PMS2: variants seen among roughly 807,000 people sequenced by gnomAD.
PMS2 encodes the protein mismatch repair endonuclease PMS2.
PMS2 carries 69 observed loss-of-function variants against 90.0 expected under a neutral mutation model. The observed-to-expected ratio is 0.77, with a 90% CI of 0.63 to 0.94. PMS2 has a LOEUF of 0.94. Among genes scored for constraint, PMS2 ranks in the 40% least tolerant of loss-of-function variants. The pLI, the probability that PMS2 is intolerant of heterozygous loss-of-function variation, is 0.00. For synonymous variants in PMS2, 332 were observed against 375.1 expected, an observed-to-expected ratio of 0.89 and a Z score of 1.33; for missense variants, 966 against 1,040.2, an observed-to-expected ratio of 0.93 and a Z score of 0.98.
chr7:5,995,499 T>C (rs1443851340), intron 8 of PMS2, 35 bp downstream of exon 8: 3 of 1,377,270 alleles, frequency 2.2e-6, no homozygotes, highest in Middle Eastern at 1.8e-4. Flanking sequence ...GTCAAAGGCA[T>C]AAAGAACAAA....
In PMS2 at chr7:5,987,354, G is replaced by A. The variant is rs63751228; in HGVS notation, c.1411C>T (p.Gln471Ter). 1 of 1,614,042 alleles carries A rather than the reference G, an allele frequency of 6.2e-7. No individual in the cohort carries two copies. The highest frequency in any genetic ancestry group is 2.2e-5 in the East Asian group (1 of 44,898). ...TGACTGGAACTCACTGCCTCTTTCT[G>A]AGGTCTCAGGACGCCTTTGTCAGAG... ...AISDKGVLRP[Q>*]KEAVSSSHGP... The change falls in exon 11 of 15, where the codon CAG (glutamine) becomes TAG (stop). Residue 471 changes from glutamine (Q) to a stop codon, truncating the protein, a stop_gained. Coordinates refer to ENST00000265849, the MANE Select transcript of PMS2 (RefSeq NM_000535.7). LOFTEE classifies it high-confidence loss of function.
chr7:5,979,201 C>CAA lies in PMS2; in HGVS notation c.2175-507_2175-506dup, dbSNP rs60152367. On this transcript the variant is annotated intron_variant, in intron 12 of 14. Transcript: ENST00000265849. ...TGGGCGACACAACAAGACTCTGTCT[C>CAA]AAAAAAAAAAAAAAAAAAAAAACAC... Among the ~76,000 whole-genome samples, 273 of 48,962 alleles carry CAA rather than the reference C, an allele frequency of 5.6e-3. 1 individual carries two copies. The highest frequency in any genetic ancestry group is 9.9e-3 in the East Asian group (14 of 1,418). 32.1% of individuals were successfully genotyped at this position (48,962 alleles called of 152,430 possible).
In PMS2 at chr7:5,987,008, G is replaced by C. The variant is rs1335723102; in HGVS notation, c.1757C>G (p.Ser586Cys). The part of the protein sequence containing the change: ...TKRFKKEEIL[S>C]SSDICQKLVN... ...TAACTTTTGACAAATGTCAGAACTG[G>C]AAAGAATTTCTTCTTTTTTAAAACG... The change falls in exon 11 of 15, where the codon TCC (serine) becomes TGC (cysteine). Residue 586 changes from serine (S) to cysteine (C), a missense_variant. Physicochemically the swap from Ser to Cys is moderately radical, Grantham distance 112. This residue lies in a region of PMS2 where 871 missense variants were observed against 802.4 expected (regional missense o/e 1.09). Transcript: ENST00000265849. 1 of 1,614,190 alleles carries C rather than the reference G, an allele frequency of 6.2e-7. No homozygotes were observed. The highest frequency in any genetic ancestry group is 8.5e-7 in the Non-Finnish European group (1 of 1,180,032).
intron 7 of PMS2, 139 bp from the exon 8 acceptor site, chr7:5,995,772 G>A (rs1417126808): frequency 2.8e-6 from 2 of 703,172 alleles, no homozygotes; most frequent in African/African-American, 1.8e-5. Context: ...GCAGTTCACG[G>A]GTATCTGTGC....
intron 7 of PMS2, among the ~76,000 whole-genome samples, chr7:5,996,588 AAAATAT>A (rs1784421245): frequency 1.1e-5 from 1 of 89,418 alleles, no homozygotes; most frequent in African/African-American, 6.9e-5. Context: ...AAAAAAAAAA[AAAATAT>A]ATATATATAT....
chr7:5,994,342 T>C (rs192381426), intron 8 of PMS2, among the ~76,000 whole-genome samples: 107 of 150,012 alleles, frequency 7.1e-4, no homozygotes, highest in African/African-American at 1.8e-3. Context: ...AATCGCACCA[T>C]TGCACTCCAG....
intron 5 of PMS2, among the ~76,000 whole-genome samples, chr7:6,000,374 A>C (rs1440641972): frequency 6.1e-5 from 5 of 82,626 alleles, no homozygotes; most frequent in African/African-American, 2.1e-4. Flanking sequence ...ACCCTGTCTC[A>C]ATTAAAAAAA....
rs369598975 is a variant in PMS2 at position 5,997,069 on chromosome 7, C to T, written c.803+257G>A. On this transcript the variant is annotated intron_variant, in intron 7 of 14. Coordinates refer to ENST00000265849, the MANE Select transcript of PMS2 (RefSeq NM_000535.7). Reference sequence around the variant, plus strand: ...GTCTCTACTAAAAATACAAAATTAGCCGGGTGTGGTGGCACGTGCCTGTAA... The same window carrying T: ...GTCTCTACTAAAAATACAAAATTAGTCGGGTGTGGTGGCACGTGCCTGTAA... Among the ~76,000 whole-genome samples, 3 of 152,012 alleles carry T rather than the reference C, an allele frequency of 2.0e-5. 1 individual carries two copies. The highest frequency in any genetic ancestry group is 4.8e-5 in the African/African-American group (2 of 41,484).
At position 5,995,607 on chromosome 7, in the gene PMS2, G is replaced by T. The variant is rs1805322; in HGVS notation, c.830C>A (p.Thr277Lys). ...TGTTGAACTCCTTCCAACTCCATGCGTGCATTGTGAAATGAAACCTGAGAT... is the reference window on the plus strand; with the variant it reads ...TGTTGAACTCCTTCCAACTCCATGCTTGCATTGTGAAATGAAACCTGAGAT... ...FYISGFISQC[T>K]HGVGRSSTDR... The change falls in exon 8 of 15, where the codon ACG becomes AAG. Residue 277 changes from threonine (T) to lysine (K), a missense_variant. Thr to Lys is a moderately conservative substitution (Grantham distance 78). Transcript: ENST00000265849. 2.4e-4 allele frequency: 385 copies of T among 1,613,328 alleles called. 1 individual carries two copies. In the African/African-American group the frequency reaches 4.5e-3, roughly 19 times the overall value.
At chr7:5,995,424 A>G (rs1784276130) in intron 8 of PMS2, 110 bp downstream of exon 8, 1 of 733,752 alleles carries the variant, frequency 1.4e-6, no homozygotes, top group Non-Finnish European at 2.5e-6. Context: ...TGTTAAAGCC[A>G]TGTTTCTCAA....
rs188749648 is a variant in PMS2, at chr7:5,983,718, C to T, written c.2007-727G>A. On this transcript the variant is annotated intron_variant, in intron 11 of 14. Coordinates refer to ENST00000265849, the MANE Select transcript of PMS2 (RefSeq NM_000535.7). Reference sequence around the variant, plus strand: ...CCAGGCTGGACTGCAGTGGCGTGACCGTGGCTCACTGCAACCTGCGCCTCC... The same window carrying T: ...CCAGGCTGGACTGCAGTGGCGTGACTGTGGCTCACTGCAACCTGCGCCTCC... Among the ~76,000 whole-genome samples the T allele has an allele frequency of 1.1e-3, 170 of 151,576 alleles. 1 individual carries two copies. Among genetic ancestry groups the T allele is most frequent in the Non-Finnish European group, 1.7e-3 (116 of 67,984 alleles).
chr7:5,973,208 T>C lies in PMS2; in HGVS notation c.*191A>G, dbSNP rs748686106. ...ACACACACACGAGCGCATGCAAACA[T>C]AGAGAAAAAAAATTTGCAAGCAATG... On this transcript the variant is annotated 3_prime_UTR_variant, in exon 15 of 15. Coordinates refer to ENST00000265849, the MANE Select transcript of PMS2 (RefSeq NM_000535.7). 2.0e-6 allele frequency: 1 copy of C among 511,884 alleles called. No homozygotes were observed. Among genetic ancestry groups the C allele is most frequent in the East Asian group, 4.0e-5 (1 of 24,864 alleles). 31.7% of individuals were successfully genotyped at this position (511,884 alleles called of 1,614,324 possible). A position where few individuals can be genotyped will look rare whatever the true frequency, so the allele number is the denominator to read the frequency against.
At chr7:5,995,698 T>C in intron 7 of PMS2, 65 bp from the exon 8 acceptor site, 1 of 1,074,762 alleles carries the variant, frequency 9.3e-7, no homozygotes, top group Non-Finnish European at 1.5e-6. Flanking sequence ...TACGATCACA[T>C]GGCACATTCT....
intron 2 of PMS2, chr7:6,004,333 CTG>C (rs35882752): frequency 0.24 from 76,133 of 316,584 alleles, 9,763 homozygotes; most frequent in African/African-American, 0.32. Flanking sequence ...CAAAAAAAAT[CTG>C]TAACTGGTGG....
At position 5,995,659 on chromosome 7, in the gene PMS2, C is replaced by T. The variant is rs769228383; in HGVS notation, c.804-26G>A. 1.2e-5 allele frequency: 18 copies of T among 1,470,636 alleles called. No individual in the cohort carries two copies. The Admixed American group carries it at 3.0e-4, about 25-fold the overall frequency. 91.1% of individuals were successfully genotyped at this position (1,470,636 alleles called of 1,614,324 possible). On this transcript the variant is annotated intron_variant, in intron 7 of 14. Transcript: ENST00000265849. ...CTATTCAACATTAATATGGTAAGGG[C>T]AGGATTCCAGAGTGAAAGGGATTAG... is the stretch of plus-strand genomic sequence containing the variant.
intron 13 of PMS2, among the ~76,000 whole-genome samples, chr7:5,978,292 C>T (rs1257194809): frequency 6.9e-6 from 1 of 144,138 alleles, no homozygotes; most frequent in East Asian, 2.1e-4. Context: ...TTTTTTGAGA[C>T]AGAGTTTCAC....
intron 9 of PMS2, 63 bp downstream of exon 9, chr7:5,991,910 G>A: frequency 3.6e-6 from 3 of 842,308 alleles, no homozygotes; most frequent in Non-Finnish European, 6.3e-6. Flanking sequence ...CAGAGCTGTA[G>A]AATTTCATTT....
At chr7:5,986,421 G>C (rs990220521) in intron 11 of PMS2, among the ~76,000 whole-genome samples, 2 of 151,874 alleles carry the variant, frequency 1.3e-5, no homozygotes, top group Non-Finnish European at 2.9e-5. Flanking sequence ...GCCGGGTGTG[G>C]TGGCTCACAC....
At chr7:5,998,884 G>A (rs1784752246) in intron 6 of PMS2, among the ~76,000 whole-genome samples, 1 of 151,830 alleles carries the variant, frequency 6.6e-6, no homozygotes, top group African/African-American at 2.4e-5. Flanking sequence ...CCACTACTCG[G>A]GAGGCTGAGG....
Sources: gnomAD v4.1 joint callset for allele counts (sites outside exome capture counted in the v4.1 genomes callset) on GRCh38, gnomAD v4.1.1 for gene constraint, gnomAD v4.1.1 regional missense constraint, MANE v1.5 for transcripts, NCBI Gene and HGNC (gene_info 2026-07-23, HGNC 2026-07-21) for gene names.